Variants in NCOR1 observed in about 807,000 individuals in gnomAD.
NCOR1 encodes the protein nuclear receptor corepressor 1.
In NCOR1, 63 loss-of-function variants were observed where a neutral mutation model predicts 288.1. The ratio of observed to expected loss-of-function variants is 0.22; its 90% CI spans 0.18 to 0.27. The LOEUF (loss-of-function observed/expected upper bound fraction) is 0.27, where lower values mean the gene tolerates loss of function less well. Among genes scored for constraint, NCOR1 ranks in the 10% least tolerant of loss-of-function variants. The pLI is 1.00. For missense variants in NCOR1, 2,397 were observed against 3,019.2 expected (o/e 0.79, Z 4.83); for synonymous variants, 1,007 against 1,065.9 (o/e 0.94, Z 1.08).
At chr17:16,203,071 A>ACACACACACC (rs900762304) in intron 1 of NCOR1, among the ~76,000 whole-genome samples, 1 of 143,002 alleles carries the variant, frequency 7.0e-6, no homozygotes, top group African/African-American at 2.5e-5. Flanking sequence ...ACACACACAC[A>ACACACACACC]CTCTGAAGCT....
intron 26 of NCOR1, among the ~76,000 whole-genome samples, chr17:16,079,440 T>C (rs921776898): frequency 6.6e-5 from 10 of 152,296 alleles, no homozygotes; most frequent in African/African-American, 1.9e-4. Flanking sequence ...CAAGTTAAAA[T>C]TAACAACTAA....
At chr17:16,206,817 T>C (rs1471757189) in intron 1 of NCOR1, among the ~76,000 whole-genome samples, 3 of 152,140 alleles carry the variant, frequency 2.0e-5, no homozygotes, top group Non-Finnish European at 2.9e-5. Context: ...TCCCATAATA[T>C]AGAAAATTAG....
intron 11 of NCOR1, among the ~76,000 whole-genome samples, chr17:16,140,707 G>A (rs1417991718): frequency 6.6e-6 from 1 of 152,096 alleles, no homozygotes. Context: ...CCTGCTACTC[G>A]GGAGGCTGAG....
At chr17:16,073,624 C>T (rs1017680277) in intron 27 of NCOR1, 55 bp from the exon 28 acceptor site, 2 of 1,420,762 alleles carry the variant, frequency 1.4e-6, no homozygotes, top group Admixed American at 2.6e-5. Context: ...ATACAATGTA[C>T]AGTAAATAGG....
At position 16,137,332 on chromosome 17, in the gene NCOR1, C is replaced by T. The variant is rs147661610; in HGVS notation, c.1488G>A (p.Gly496=). 5.6e-4 allele frequency: 892 copies of T among 1,602,830 alleles called. 6 individuals are homozygous for T. In the African/African-American group the frequency reaches 0.01, roughly 18 times the overall value. The part of the protein sequence containing the change: ...NYKALVRRNY[G]KRRGRNQQIA... The stretch of plus-strand genomic sequence containing the variant: ...ACACCTGGTTTCTGCCTCTGCGTTT[C>T]CCATAATTCCTTCTGACGAGGGCTT... Residue 496 remains glycine (G), a synonymous_variant, in exon 14 of 46, where the codon GGG becomes GGA. Coordinates refer to ENST00000268712, the MANE Select transcript of NCOR1 (RefSeq NM_006311.4).
intron 2 of NCOR1, among the ~76,000 whole-genome samples, 196 bp from the exon 3 acceptor site, chr17:16,186,883 A>G (rs2153528133): frequency 6.6e-6 from 1 of 152,240 alleles, no homozygotes; most frequent in South Asian, 2.1e-4. Flanking sequence ...AAAATCCAAA[A>G]TGAAATTTCA....
intron 44 of NCOR1, chr17:16,039,160 A>G: frequency 4.9e-6 from 2 of 406,634 alleles, no homozygotes; most frequent in Non-Finnish European, 9.0e-6. Context: ...ACAATGCAGT[A>G]TGTATAGATG....
At chr17:16,155,452 G>A (rs549541676) in intron 6 of NCOR1, among the ~76,000 whole-genome samples, 117 of 151,250 alleles carry the variant, frequency 7.7e-4, no homozygotes, top group East Asian at 1.4e-3. Context: ...TTTTCTATAC[G>A]TATTATTCTT....
intron 3 of NCOR1, among the ~76,000 whole-genome samples, chr17:16,185,578 G>A (rs1410049730): frequency 2.0e-5 from 3 of 149,806 alleles, no homozygotes; most frequent in Non-Finnish European, 4.4e-5. Context: ...AGCTATTTAG[G>A]AGGCTGAGGC....
chr17:16,174,430 G>A (rs2153475218), intron 3 of NCOR1, among the ~76,000 whole-genome samples: 1 of 152,270 alleles, frequency 6.6e-6, no homozygotes, highest in East Asian at 1.9e-4. Flanking sequence ...TAATTTTCAA[G>A]TATTACATTT....
chr17:16,195,292 G>C (rs545356758), intron 1 of NCOR1, among the ~76,000 whole-genome samples: 1 of 152,126 alleles, frequency 6.6e-6, no homozygotes, highest in African/African-American at 2.4e-5. Context: ...CCAACATGGT[G>C]AAACTTCTTT....
At position 16,101,598 on chromosome 17, in the gene NCOR1, T is replaced by G. The variant is rs753444128; in HGVS notation, c.2342A>C (p.Glu781Ala). 4.3e-6 allele frequency: 7 copies of G among 1,614,224 alleles called. No individual in the cohort carries two copies. In the South Asian group the frequency reaches 7.7e-5, roughly 18 times the overall value. Residue 781 changes from glutamate (E) to alanine (A), a missense_variant, in exon 20 of 46, where the codon GAG (glutamate) becomes GCG (alanine). Transcript: ENST00000268712. ...ACTGATGCTGTCATTCACCTGGGTCTCCACACTTTCATCTTCAGCTGGTTT... is the reference window on the plus strand; with the variant it reads ...ACTGATGCTGTCATTCACCTGGGTCGCCACACTTTCATCTTCAGCTGGTTT... ...STKPAEDESV[E>A]TQVNDSISAE... is the part of the protein sequence containing the mutation.
chr17:16,034,481 G>GC (rs1567616054), intron 45 of NCOR1, among the ~76,000 whole-genome samples: 3 of 151,992 alleles, frequency 2.0e-5, no homozygotes, highest in Non-Finnish European at 1.5e-5. Flanking sequence ...GGTCGTGCAC[G>GC]CCTGTAGTCC....
At chr17:16,138,571 C>A (rs768128075) in intron 12 of NCOR1, among the ~76,000 whole-genome samples, 2 of 152,148 alleles carry the variant, frequency 1.3e-5, no homozygotes, top group Non-Finnish European at 2.9e-5. Context: ...AGCGACAGAG[C>A]GAGACTCCGT....
At chr17:16,086,219 G>T in intron 23 of NCOR1, 63 bp downstream of exon 23, 1 of 1,501,912 alleles carries the variant, frequency 6.7e-7, no homozygotes, top group Non-Finnish European at 9.2e-7. Flanking sequence ...TGCGAGGAGG[G>T]AGGACAAGTT....
intron 4 of NCOR1, among the ~76,000 whole-genome samples, chr17:16,166,725 T>A (rs1951786485): frequency 6.6e-6 from 1 of 151,742 alleles, no homozygotes; most frequent in African/African-American, 2.4e-5. Flanking sequence ...ACCATCTTTA[T>A]CAACCTTTTT....
At position 16,032,440 on chromosome 17, in the gene NCOR1, G is replaced by A. The variant is rs367621678; in HGVS notation, c.7179C>T (p.Leu2393=). Residue 2393 remains leucine, a synonymous_variant, in exon 46 of 46, where the codon CTC becomes CTT. Transcript: ENST00000268712. ...CAATCGGTGTTGGTGGAGTACTGCT[G>A]AGCATCCGCATAGTCAGAGGGTTAT... The part of the protein sequence containing the change: ...FPYNPLTMRM[L]SSTPPTPIAC... 8.1e-6 allele frequency: 13 copies of A among 1,612,766 alleles called. No homozygotes were observed. Among genetic ancestry groups the A allele is most frequent in the Middle Eastern group, 3.3e-4 (2 of 6,080 alleles).
In NCOR1 at chr17:16,139,024, C is replaced by A; in HGVS notation, c.1336G>T (p.Glu446Ter). Residue 446 changes from glutamate (E) to a stop codon, truncating the protein, a stop_gained, in exon 12 of 46, where the codon GAG becomes TAG. Transcript: ENST00000268712. LOFTEE classifies it high-confidence loss of function. ...FMNVWTDHEK[E>*]IFKDKFIQHP... ...ATAAATTACTTGTCCTTAAAGATCT[C>A]CTTTTCATGGTCAGTCCAAACATTC... 1 of 1,569,410 alleles carries A rather than the reference C, an allele frequency of 6.4e-7. No individual in the cohort carries two copies.
chr17:16,192,482 G>A (rs905333908), intron 2 of NCOR1, among the ~76,000 whole-genome samples: 2 of 152,056 alleles, frequency 1.3e-5, no homozygotes, highest in South Asian at 4.1e-4. Context: ...ATGGTGAAAC[G>A]CCATCTCTAC....
Sources: allele counts gnomAD v4.1 joint callset (sites outside exome capture counted in the v4.1 genomes callset), GRCh38; gene constraint gnomAD v4.1.1; transcripts MANE v1.5; gene names NCBI Gene and HGNC (gene_info 2026-07-23, HGNC 2026-07-21).